The following XYLB variants were observed in gnomAD, a reference collection of about 807,000 sequenced individuals.
XYLB encodes xylulose kinase.
In XYLB, 62 loss-of-function variants were observed where a neutral mutation model predicts 78.7. That is an observed-to-expected ratio of 0.79 (90% CI 0.64 to 0.97). The LOEUF (loss-of-function observed/expected upper bound fraction) is 0.97, where lower values mean the gene tolerates loss of function less well. Ranked by LOEUF, XYLB falls within the 50% of genes least tolerant of loss-of-function variation. The pLI is 0.00. For missense variants in XYLB, 687 were observed against 676.8 expected (o/e 1.02, Z -0.17); for synonymous variants, 245 against 247.4 (o/e 0.99, Z 0.09).
chr3:38,372,934 C>CGATCT (rs2125597063), intron 10 of XYLB, among the ~76,000 whole-genome samples, 198 bp downstream of exon 10: 2 of 152,216 alleles, frequency 1.3e-5, no homozygotes, highest in East Asian at 3.9e-4. Context: ...TCCCACCCTG[C>CGATCT]GATCTGACTC....
chr3:38,370,266 ACT>A (rs1491076402), intron 9 of XYLB, 92 bp downstream of exon 9: 29 of 873,582 alleles, frequency 3.3e-5, no homozygotes, highest in Non-Finnish European at 4.3e-5. Context: ...ACACACACAC[ACT>A]CTGCACACAC....
Position 38,348,652 on chromosome 3 carries a change from G to A in XYLB, c.140+20G>A. 6.2e-7 allele frequency: 1 copy of A among 1,611,354 alleles called. No homozygotes were observed. Among genetic ancestry groups the A allele is most frequent in the Non-Finnish European group, 8.5e-7 (1 of 1,177,462 alleles). On this transcript the variant is annotated intron_variant, in intron 2 of 18. Coordinates refer to ENST00000207870, the MANE Select transcript of XYLB (RefSeq NM_005108.4). Reference sequence around the variant, plus strand: ...ATTTGGGTATGTACTTGATGTGCATGTGTGTGTGATGGGGGTGTTGGTTTT... The same window carrying A: ...ATTTGGGTATGTACTTGATGTGCATATGTGTGTGATGGGGGTGTTGGTTTT...
At chr3:38,389,797 A>G (rs1257753868) in intron 15 of XYLB, among the ~76,000 whole-genome samples, 1 of 152,110 alleles carries the variant, frequency 6.6e-6, no homozygotes, top group Non-Finnish European at 1.5e-5. Context: ...CCACTTCCAC[A>G]TCACTGCTTC....
intron 15 of XYLB, among the ~76,000 whole-genome samples, chr3:38,392,442 C>T (rs779645536): frequency 3.3e-5 from 5 of 152,090 alleles, no homozygotes; most frequent in Non-Finnish European, 1.5e-5. Flanking sequence ...GGATTACAGG[C>T]GCACACCACC....
At position 38,370,095 on chromosome 3, in the gene XYLB, G is replaced by C; in HGVS notation, c.686G>C (p.Trp229Ser). 1 of 1,614,208 alleles carries C rather than the reference G, an allele frequency of 6.2e-7. No homozygotes were observed. Among genetic ancestry groups the C allele is most frequent in the African/African-American group, 1.3e-5 (1 of 75,040 alleles). Residue 229 changes from tryptophan (W) to serine (S), a missense_variant, in exon 9 of 19, where the codon TGG becomes TCG. Transcript: ENST00000207870. ...TTGTTGCAGATACAGGATAAAGTCTGGTCCCAGGCTTGCCTTGGTGCCTGT... is the reference window on the plus strand; with the variant it reads ...TTGTTGCAGATACAGGATAAAGTCTCGTCCCAGGCTTGCCTTGGTGCCTGT... ...MNLLQIQDKV[W>S]SQACLGACAP...
intron 17 of XYLB, among the ~76,000 whole-genome samples, chr3:38,397,537 A>G (rs1333485342): frequency 6.6e-6 from 1 of 152,096 alleles, no homozygotes; most frequent in Non-Finnish European, 1.5e-5. Context: ...AGAAGTTGAA[A>G]CAAAGGGGAA....
chr3:38,428,408 G>C, the XYLB span, among the ~76,000 whole-genome samples: 5 of 152,328 alleles, frequency 3.3e-5, no homozygotes, highest in East Asian at 3.9e-4. Context: ...CAATTACTGA[G>C]AGAGAAGTAG....
intron 3 of XYLB, 128 bp downstream of exon 3, chr3:38,360,536 G>A (rs861767): frequency 0.99 from 787,494 of 795,634 alleles, 390,047 homozygotes; most frequent in East Asian, 1. Flanking sequence ...CTCATGGGAA[G>A]GTGGAGTTGG....
At chr3:38,417,041 G>A (rs1332570453), downstream of XYLB, among the ~76,000 whole-genome samples, 1 of 152,154 alleles carries the variant, frequency 6.6e-6, no homozygotes, top group African/African-American at 2.4e-5. Flanking sequence ...CTGAAGTTAA[G>A]GAGACAAAAA....
intron 18 of XYLB, among the ~76,000 whole-genome samples, chr3:38,404,659 A>G (rs1049961434): frequency 6.6e-6 from 1 of 152,094 alleles, no homozygotes; most frequent in Admixed American, 6.5e-5. Flanking sequence ...TCTACTAAAA[A>G]AGAAAAAAAC....
chr3:38,386,101 T>C lies in XYLB; in HGVS notation c.1291+6759T>C, dbSNP rs192980686. Among the ~76,000 whole-genome samples the C allele has an allele frequency of 4.6e-5, 7 of 152,326 alleles. 1 individual carries two copies. The East Asian group carries it at 5.8e-4, about 13-fold the overall frequency. The stretch of plus-strand genomic sequence containing the variant: ...CACCATGGGGTTCATTCTGGCTTTC[T>C]TCCTTCCCATATTTGTATCTTATCC... On this transcript the variant is annotated intron_variant, in intron 15 of 18. Coordinates refer to ENST00000207870, the MANE Select transcript of XYLB (RefSeq NM_005108.4).
chr3:38,404,587 C>T lies in XYLB; in HGVS notation c.1533+3602C>T, dbSNP rs553468027. On this transcript the variant is annotated intron_variant, in intron 18 of 18. Coordinates refer to ENST00000207870, the MANE Select transcript of XYLB (RefSeq NM_005108.4). ...ATCCCAGCACTTTCGGAGGCCGAGG[C>T]GGATGGATCACATGAGGTCAGGAGT... 1.2e-4 allele frequency among the ~76,000 whole-genome samples: 18 copies of T among 152,192 alleles called. No individual in the cohort carries two copies. In the South Asian group the frequency reaches 2.5e-3, roughly 21 times the overall value.
In XYLB at chr3:38,395,564, G is replaced by T; in HGVS notation, c.1350+1G>T. On this transcript the variant is annotated splice_donor_variant, in intron 16 of 18. Transcript: ENST00000207870. LOFTEE classifies it high-confidence loss of function. ...ATCTCACAATAGAGAAATCTTACAG[G>T]TAAGCGTTAGTAGTGGGCCTTACAC... 6.2e-7 allele frequency: 1 copy of T among 1,614,096 alleles called. No homozygotes were observed. Among genetic ancestry groups the T allele is most frequent in the South Asian group, 1.1e-5 (1 of 91,086 alleles).
At chr3:38,410,616 A>G (rs1277606900) in intron 18 of XYLB, among the ~76,000 whole-genome samples, 1 of 152,200 alleles carries the variant, frequency 6.6e-6, no homozygotes, top group Non-Finnish European at 1.5e-5. Context: ...AATGGGAGAA[A>G]ATTTTTGCAA....
the XYLB span, among the ~76,000 whole-genome samples, chr3:38,429,081 A>G: frequency 1.3e-3 from 195 of 152,314 alleles, 2 homozygotes; most frequent in Middle Eastern, 0.01. Flanking sequence ...CAAGGTGGCT[A>G]ACATCCAGTG....
intron 2 of XYLB, among the ~76,000 whole-genome samples, chr3:38,349,448 T>C (rs1705239327): frequency 6.6e-6 from 1 of 152,184 alleles, no homozygotes; most frequent in African/African-American, 2.4e-5. Context: ...ATTCGGAGCA[T>C]TGCTGGAATG....
At chr3:38,422,511 T>C (rs1233826861), downstream of XYLB, among the ~76,000 whole-genome samples, 1 of 152,224 alleles carries the variant, frequency 6.6e-6, no homozygotes, top group African/African-American at 2.4e-5. Context: ...GTTTCAATCA[T>C]TTCTCTACAG....
chr3:38,441,345 G>A, the XYLB span, among the ~76,000 whole-genome samples: 1 of 152,236 alleles, frequency 6.6e-6, no homozygotes, highest in African/African-American at 2.4e-5. Context: ...TGGGGGAAGA[G>A]GCTTACTTTC....
the XYLB span, among the ~76,000 whole-genome samples, chr3:38,442,744 T>TC: frequency 7.6e-6 from 1 of 130,862 alleles, no homozygotes; most frequent in Non-Finnish European, 1.7e-5. Context: ...TTTTTTTTTT[T>TC]ACTAAGACTT....
Sources: gnomAD v4.1 joint callset for allele counts (sites outside exome capture counted in the v4.1 genomes callset) on GRCh38, gnomAD v4.1.1 for gene constraint, MANE v1.5 for transcripts, NCBI Gene and HGNC (gene_info 2026-07-23, HGNC 2026-07-21) for gene names.